Variants in PKHD1 observed in about 807,000 individuals in gnomAD.
PKHD1 encodes fibrocystin.
In PKHD1, 291 loss-of-function variants were observed where a neutral mutation model predicts 412.0. The observed-to-expected ratio is 0.71, with a 90% CI of 0.64 to 0.78. The LOEUF is 0.78. Ranked by LOEUF, PKHD1 falls within the 30% of genes least tolerant of loss-of-function variation. PKHD1 has a pLI of 0.00. For synonymous variants in PKHD1, 1,777 were observed against 1,821.5 expected (o/e 0.98, Z 0.62); for missense variants, 4,825 against 4,950.7 (o/e 0.97, Z 0.76).
chr6:52,048,507 T>G lies in PKHD1; in HGVS notation c.2392A>C (p.Asn798His). 6.2e-7 allele frequency: 1 copy of G among 1,614,108 alleles called. No homozygotes were observed. Among genetic ancestry groups the G allele is most frequent in the Non-Finnish European group, 8.5e-7 (1 of 1,179,976 alleles). Residue 798 changes from asparagine to histidine, a missense_variant, in exon 23 of 67, where the codon AAT becomes CAT. Coordinates refer to ENST00000371117, the MANE Select transcript of PKHD1 (RefSeq NM_138694.4). ...LGGHFRIQLPNTVISDVPVQI... is the reference protein window; with the variant it reads ...LGGHFRIQLPHTVISDVPVQI... ...ACCCCTTTACCAGAAATCACTGTAT[T>G]AGGAAGCTGGATGCGAAAGTGTCCT...
intron 37 of PKHD1, among the ~76,000 whole-genome samples, chr6:51,917,179 G>C (rs971236128): frequency 2.2e-5 from 3 of 134,164 alleles, no homozygotes; most frequent in African/African-American, 8.2e-5. Flanking sequence ...GAGAGGGAGA[G>C]AGGGAGAGGT....
intron 52 of PKHD1, among the ~76,000 whole-genome samples, chr6:51,827,323 T>A (rs1170628720): frequency 6.6e-6 from 1 of 152,154 alleles, no homozygotes; most frequent in Admixed American, 6.6e-5. Context: ...TCATCTGTAA[T>A]TCCATTACCG....
At chr6:51,975,853 G>C (rs903940227) in intron 35 of PKHD1, 2 of 148,682 alleles carry the variant, frequency 1.3e-5, no homozygotes, top group African/African-American at 5.0e-5. Context: ...ACCCAGGTTG[G>C]AAAAAGAGCA....
intron 65 of PKHD1, among the ~76,000 whole-genome samples, chr6:51,631,087 T>C (rs905870478): frequency 4.6e-5 from 7 of 152,102 alleles, no homozygotes; most frequent in African/African-American, 1.7e-4. Flanking sequence ...GAGCTTAGGA[T>C]TAAAAGTGAG....
At chr6:51,819,372 T>C (rs886123086) in intron 52 of PKHD1, among the ~76,000 whole-genome samples, 3 of 152,224 alleles carry the variant, frequency 2.0e-5, no homozygotes, top group Non-Finnish European at 4.4e-5. Flanking sequence ...TACAGGGAGC[T>C]AGTTTCAGAG....
intron 60 of PKHD1, among the ~76,000 whole-genome samples, chr6:51,719,358 AATC>A (rs766944085): frequency 2.2e-4 from 34 of 152,104 alleles, no homozygotes; most frequent in Middle Eastern, 3.2e-3. Flanking sequence ...TCAAAAAGGA[AATC>A]ACTTAGTACA....
intron 28 of PKHD1, 89 bp from the exon 29 acceptor site, chr6:52,033,254 T>G (rs759376577): frequency 9.4e-7 from 1 of 1,059,210 alleles, no homozygotes; most frequent in Admixed American, 1.8e-5. Context: ...GAATTAGTTT[T>G]AAAAGTTAAT....
chr6:51,676,478 G>T (rs1252497140), intron 60 of PKHD1, among the ~76,000 whole-genome samples: 3 of 152,028 alleles, frequency 2.0e-5, no homozygotes, highest in Non-Finnish European at 2.9e-5. Context: ...TAGCCATTTT[G>T]TAATATATTT....
intron 45 of PKHD1, among the ~76,000 whole-genome samples, chr6:51,883,523 A>C (rs1777724348): frequency 6.6e-6 from 1 of 152,210 alleles, no homozygotes. Flanking sequence ...GCCAAATCAC[A>C]CAAAGGTAAC....
chr6:51,983,439 A>G (rs1377152164), intron 35 of PKHD1, among the ~76,000 whole-genome samples: 2 of 152,222 alleles, frequency 1.3e-5, no homozygotes, highest in Admixed American at 6.5e-5. Context: ...ACACTTTCAC[A>G]GACTCCTCCA....
intron 36 of PKHD1, among the ~76,000 whole-genome samples, chr6:51,953,039 G>A (rs1338553181): frequency 6.6e-6 from 1 of 152,112 alleles, no homozygotes; most frequent in Non-Finnish European, 1.5e-5. Flanking sequence ...AAGAGTCTGT[G>A]ACTGACTCAA....
intron 63 of PKHD1, among the ~76,000 whole-genome samples, chr6:51,644,947 G>C (rs1250377952): frequency 6.6e-6 from 1 of 152,106 alleles, no homozygotes; most frequent in Non-Finnish European, 1.5e-5. Flanking sequence ...CAAAGTGCTG[G>C]CATTACAGGC....
intron 49 of PKHD1, among the ~76,000 whole-genome samples, chr6:51,852,041 T>C (rs1772366495): frequency 6.6e-6 from 1 of 152,228 alleles, no homozygotes; most frequent in Admixed American, 6.5e-5. Context: ...TGTGGGCATT[T>C]AGTGCTATAA....
At chr6:51,895,373 G>T (rs1779739543) in intron 43 of PKHD1, among the ~76,000 whole-genome samples, 1 of 152,146 alleles carries the variant, frequency 6.6e-6, no homozygotes, top group Admixed American at 6.5e-5. Flanking sequence ...AAAGCCAATG[G>T]CACAACTGAA....
chr6:51,824,414 A>G (rs1000350178), intron 52 of PKHD1, among the ~76,000 whole-genome samples: 4 of 152,124 alleles, frequency 2.6e-5, no homozygotes, highest in Non-Finnish European at 5.9e-5. Context: ...TGGTGAGAAC[A>G]CCTGCTCTGT....
At position 51,767,607 on chromosome 6, in the gene PKHD1, G is replaced by C. The variant is rs147255253; in HGVS notation, c.8642+5095C>G. ...TTGTGATAGTTTGATGAGAATGATG[G>C]TTTCCAGTTTCATCCATGTCCCTAC... On this transcript the variant is annotated intron_variant, in intron 55 of 66. Transcript: ENST00000371117. Among the ~76,000 whole-genome samples the C allele has an allele frequency of 1.1e-4, 17 of 152,136 alleles. No individual in the cohort carries two copies. The East Asian group carries it at 2.9e-3, about 26-fold the overall frequency.
At chr6:51,897,840 C>CA (rs1254359013) in intron 43 of PKHD1, among the ~76,000 whole-genome samples, 1 of 147,166 alleles carries the variant, frequency 6.8e-6, no homozygotes, top group Non-Finnish European at 1.5e-5. Context: ...AAATGGAAAA[C>CA]AAAAAAAGGC....
intron 41 of PKHD1, 51 bp from the exon 42 acceptor site, chr6:51,904,093 AAC>A (rs1401525289): frequency 1.7e-6 from 2 of 1,180,362 alleles, no homozygotes; most frequent in African/African-American, 3.0e-5. Flanking sequence ...CACTTAGGAA[AAC>A]AAGAGATGCT....
Position 52,026,005 on chromosome 6 carries a change from C to T in PKHD1, c.3805G>A (p.Val1269Met), listed in dbSNP as rs139820610. The change falls in exon 32 of 67, where the codon GTG becomes ATG. Residue 1269 changes from valine (V) to methionine (M), a missense_variant. By Grantham distance (21) the Val-to-Met change is conservative. Transcript: ENST00000371117. ...DAGAPTVPAA[V>M]EVWAGNRFFA... ...AACCTGTTGCCAGCCCAGACCTCCA[C>T]GGCAGCTGGAACAGTGGGAGCGCCC... The T allele has an allele frequency of 3.5e-5, 57 of 1,614,150 alleles. No individual in the cohort carries two copies. Among genetic ancestry groups the T allele is most frequent in the East Asian group, 4.5e-5 (2 of 44,886 alleles).
Sources: gnomAD v4.1 joint callset for allele counts (sites outside exome capture counted in the v4.1 genomes callset) on GRCh38, gnomAD v4.1.1 for gene constraint, MANE v1.5 for transcripts, NCBI Gene and HGNC (gene_info 2026-07-23, HGNC 2026-07-21) for gene names.